Variants in TAFA5 observed in about 807,000 individuals in gnomAD.
TAFA5 encodes the protein chemokine-like protein TAFA-5.
In TAFA5, 6 loss-of-function variants were observed where a neutral mutation model predicts 15.3. The observed-to-expected ratio is 0.39, with a 90% CI of 0.21 to 0.77. The LOEUF is 0.77. TAFA5 is among the 30% of genes least tolerant of loss of function. The probability of loss-of-function intolerance (pLI) is 0.41; values close to 1 mark genes in which losing one functional copy is unlikely to be tolerated. For missense variants in TAFA5, 161 were observed against 193.1 expected (o/e 0.83, Z 0.98); for synonymous variants, 103 against 80.7 (o/e 1.28, Z -1.48).
In TAFA5 at chr22:48,638,796, C is replaced by T. The variant is rs563464439; in HGVS notation, c.113-7801C>T. On this transcript the variant is annotated intron_variant, in intron 1 of 3. Transcript: ENST00000402357. ...CATCCCCCGACACTAAGCCCTGGGT[C>T]ACCGCACACAGGGGGGACCCCGACA... Among the ~76,000 whole-genome samples, 796 of 134,200 alleles carry T rather than the reference C, an allele frequency of 5.9e-3. 2 individuals carry two copies. Among genetic ancestry groups the T allele is most frequent in the Middle Eastern group, 0.01 (2 of 192 alleles). 88.0% of individuals were successfully genotyped at this position (134,200 alleles called of 152,430 possible). A position where few individuals can be genotyped will look rare whatever the true frequency, so the allele number is the denominator to read the frequency against.
intron 1 of TAFA5, among the ~76,000 whole-genome samples, chr22:48,556,852 G>A (rs1923057988): frequency 6.6e-6 from 1 of 152,222 alleles, no homozygotes; most frequent in South Asian, 2.1e-4. Context: ...TCCCTTGGGG[G>A]CACTGTCCAG....
intron 1 of TAFA5, among the ~76,000 whole-genome samples, chr22:48,611,046 G>T (rs1925388950): frequency 6.6e-6 from 1 of 151,636 alleles, no homozygotes; most frequent in Non-Finnish European, 1.5e-5. Flanking sequence ...CGATTCTCCT[G>T]CCTCAGCCTC....
intron 1 of TAFA5, among the ~76,000 whole-genome samples, chr22:48,497,963 G>A (rs1920935415): frequency 1.0e-5 from 1 of 96,620 alleles, no homozygotes; most frequent in Admixed American, 9.7e-5. Context: ...GTGGGGTGGG[G>A]CCCACCTGGA....
At chr22:48,652,412 C>T (rs912682205) in intron 2 of TAFA5, among the ~76,000 whole-genome samples, 2 of 152,118 alleles carry the variant, frequency 1.3e-5, no homozygotes, top group South Asian at 2.1e-4. Flanking sequence ...ATAAGGAAGG[C>T]CCTGCTTCCC....
chr22:48,572,891 G>T (rs1923637938), intron 1 of TAFA5, among the ~76,000 whole-genome samples: 1 of 152,192 alleles, frequency 6.6e-6, no homozygotes, highest in Non-Finnish European at 1.5e-5. Context: ...GCTTTTTGTT[G>T]GTGACAAAGT....
chr22:48,659,470 G>T (rs966703577), intron 2 of TAFA5, among the ~76,000 whole-genome samples: 3 of 152,254 alleles, frequency 2.0e-5, no homozygotes, highest in African/African-American at 7.2e-5. Flanking sequence ...CAGATTCAGT[G>T]GCACAGAGGG....
chr22:48,706,696 C>T (rs1349851652), intron 2 of TAFA5, among the ~76,000 whole-genome samples: 2 of 152,258 alleles, frequency 1.3e-5, no homozygotes, highest in African/African-American at 2.4e-5. Context: ...TGAATGCCTA[C>T]GTTTTTCAAC....
chr22:48,579,205 G>C (rs143441293), intron 1 of TAFA5, among the ~76,000 whole-genome samples: 1 of 152,166 alleles, frequency 6.6e-6, no homozygotes, highest in African/African-American at 2.4e-5. Flanking sequence ...GGCAAATTGC[G>C]GTCCATAATT....
At chr22:48,589,559 T>G (rs35195649) in intron 1 of TAFA5, among the ~76,000 whole-genome samples, 10,247 of 152,170 alleles carry the variant, frequency 0.067, 414 homozygotes, top group South Asian at 0.19. Context: ...CAGAGCCACC[T>G]GGAAACCCAG....
intron 1 of TAFA5, among the ~76,000 whole-genome samples, chr22:48,531,877 A>G (rs1243706784): frequency 1.3e-5 from 2 of 152,182 alleles, no homozygotes; most frequent in African/African-American, 4.8e-5. Context: ...CGGGCCTGGC[A>G]GGGCAGGAGA....
chr22:48,744,863 G>C (rs928159708), intron 3 of TAFA5, among the ~76,000 whole-genome samples: 8 of 152,178 alleles, frequency 5.3e-5, no homozygotes, highest in South Asian at 2.1e-4. Flanking sequence ...AGGTTCAAGC[G>C]ATTCTCCTGC....
intron 1 of TAFA5, among the ~76,000 whole-genome samples, chr22:48,534,582 T>G (rs1922086306): frequency 6.6e-6 from 1 of 152,130 alleles, no homozygotes; most frequent in African/African-American, 2.4e-5. Flanking sequence ...CCCTGGAATG[T>G]GCCTGTGCCC....
In TAFA5 at chr22:48,742,805, C is replaced by T. The variant is rs183835630; in HGVS notation, c.391-7034C>T. On this transcript the variant is annotated intron_variant, in intron 3 of 3. Coordinates refer to ENST00000402357, the MANE Select transcript of TAFA5 (RefSeq NM_001082967.3). This position sits in a 1 kb window ranked among gnomAD's most constrained non-coding sequence, Gnocchi z 6.2. The stretch of plus-strand genomic sequence containing the variant: ...AAGAGGAGAGATGGCCTGGGGTGCT[C>T]AGCGGGGCTGAGTCCCCAGCTGGGA... Among the ~76,000 whole-genome samples, 3 of 152,268 alleles carry T rather than the reference C, an allele frequency of 2.0e-5. No homozygotes were observed. The highest frequency in any genetic ancestry group is 6.5e-5 in the Admixed American group (1 of 15,302).
In TAFA5 at chr22:48,619,606, G is replaced by T. The variant is rs564072465; in HGVS notation, c.113-26991G>T. 2.0e-3 allele frequency among the ~76,000 whole-genome samples: 305 copies of T among 152,314 alleles called. 1 individual carries two copies. Among genetic ancestry groups the T allele is most frequent in the Middle Eastern group, 6.8e-3 (2 of 294 alleles). On this transcript the variant is annotated intron_variant, in intron 1 of 3. Coordinates refer to ENST00000402357, the MANE Select transcript of TAFA5 (RefSeq NM_001082967.3). Reference sequence around the variant, plus strand: ...CTTGACCTCATGATCTGCCCACTTTGGACTCCCAAAGTGCTGAGATTACAA... The same window carrying T: ...CTTGACCTCATGATCTGCCCACTTTTGACTCCCAAAGTGCTGAGATTACAA...
At chr22:48,501,830 A>G (rs1285798864) in intron 1 of TAFA5, among the ~76,000 whole-genome samples, 1 of 152,090 alleles carries the variant, frequency 6.6e-6, no homozygotes, top group Non-Finnish European at 1.5e-5. Flanking sequence ...ATCTGTCCCC[A>G]CTACACCCAG....
At chr22:48,586,222 G>C (rs549986992) in intron 1 of TAFA5, among the ~76,000 whole-genome samples, 15 of 152,394 alleles carry the variant, frequency 9.8e-5, no homozygotes, top group Admixed American at 7.8e-4. Flanking sequence ...GTGCAGCCAC[G>C]TGGCTCTCTT....
intron 2 of TAFA5, among the ~76,000 whole-genome samples, chr22:48,660,986 G>A (rs761212584): frequency 6.6e-6 from 1 of 152,206 alleles, no homozygotes; most frequent in African/African-American, 2.4e-5. Context: ...GCAGGAGCAG[G>A]CACAGTGAAT....
chr22:48,558,144 C>T (rs1368877524), intron 1 of TAFA5, among the ~76,000 whole-genome samples: 1 of 152,194 alleles, frequency 6.6e-6, no homozygotes, highest in Admixed American at 6.5e-5. Context: ...CGGGCCTGTG[C>T]CAGTTCATTC....
At chr22:48,661,013 C>G (rs8139130) in intron 2 of TAFA5, among the ~76,000 whole-genome samples, 113,429 of 152,082 alleles carry the variant, frequency 0.75, 42,443 homozygotes, top group South Asian at 0.82. Flanking sequence ...AGAGCTCATT[C>G]ATTCCAGCTC....
Sources: allele counts gnomAD v4.1 joint callset (sites outside exome capture counted in the v4.1 genomes callset), GRCh38; gene constraint gnomAD v4.1.1; non-coding constraint Gnocchi (gnomAD v3.1); transcripts MANE v1.5; gene names NCBI Gene and HGNC (gene_info 2026-07-23, HGNC 2026-07-21).